Variants in ZMYND11 observed in about 807,000 individuals in gnomAD.
The protein encoded by ZMYND11 is zinc finger MYND-type containing 11.
A neutral mutation model predicts 84.9 loss-of-function variants in ZMYND11; 9 were observed. The ratio of observed to expected loss-of-function variants is 0.11; its 90% confidence interval spans 0.06 to 0.18. The LOEUF is 0.18. ZMYND11 is among the 10% of genes least tolerant of loss of function. The pLI is 1.00. For missense variants in ZMYND11, 409 were observed against 761.0 expected (o/e 0.54, Z 5.44); for synonymous variants, 250 against 244.1 (o/e 1.02, Z -0.23).
At position 194,159 on chromosome 10, in the gene ZMYND11, A is replaced by AT. The variant is rs889062554; in HGVS notation, c.116+14041dup. ...GCCACCACGCCTGGCTAATTTTTGA[A>AT]TTTTTTTTTTGGTAGAGTCGGGGTT... On this transcript the variant is annotated intron_variant, in intron 2 of 14. Transcript: ENST00000381604. Among the ~76,000 whole-genome samples, 974 of 137,558 alleles carry AT rather than the reference A, an allele frequency of 7.1e-3. 24 individuals carry two copies. Among genetic ancestry groups the AT allele is most frequent in the Admixed American group, 0.047 (653 of 13,876 alleles). 90.2% of individuals were successfully genotyped at this position (137,558 alleles called of 152,430 possible). A position where few individuals can be genotyped will look rare whatever the true frequency, so the allele number is the denominator to read the frequency against.
intron 2 of ZMYND11, among the ~76,000 whole-genome samples, chr10:193,375 G>A (rs1200660355): frequency 2.0e-5 from 3 of 152,154 alleles, no homozygotes; most frequent in South Asian, 2.1e-4. Context: ...TAGCAGTACC[G>A]TTACTTGTGT....
chr10:198,095 T>C (rs1942248965), intron 2 of ZMYND11: 1 of 410,432 alleles, frequency 2.4e-6, no homozygotes, highest in African/African-American at 2.1e-5. Context: ...AAATATATAA[T>C]TTATAATGGC....
intron 1 of ZMYND11, among the ~76,000 whole-genome samples, chr10:143,767 G>A (rs541672175): frequency 2.0e-5 from 3 of 152,220 alleles, no homozygotes; most frequent in East Asian, 1.9e-4. Flanking sequence ...CAGTCTGCAC[G>A]TATATGTTCT....
At chr10:223,064 C>G (rs567268344) in intron 4 of ZMYND11, among the ~76,000 whole-genome samples, 6 of 148,064 alleles carry the variant, frequency 4.1e-5, no homozygotes, top group African/African-American at 1.5e-4. Context: ...GAGTCTCTCT[C>G]TGTCATCCAG....
intron 2 of ZMYND11, among the ~76,000 whole-genome samples, chr10:185,813 C>CAAAAAAAAAAAA (rs111255034): frequency 1.7e-5 from 2 of 115,618 alleles, no homozygotes; most frequent in Non-Finnish European, 3.5e-5. Context: ...AACTCCGTCT[C>CAAAAAAAAAAAA]AAAAAAACAA....
chr10:168,211 AT>A (rs1844466928), intron 1 of ZMYND11, among the ~76,000 whole-genome samples: 1 of 152,166 alleles, frequency 6.6e-6, no homozygotes, highest in African/African-American at 2.4e-5. Flanking sequence ...ATTTATTATA[AT>A]TATACCTTGT....
upstream of ZMYND11, chr10:135,027 T>TA (rs1835570345): frequency 6.7e-6 from 1 of 148,674 alleles, no homozygotes; most frequent in African/African-American, 2.4e-5. This position sits in a 1 kb window ranked among gnomAD's most constrained non-coding sequence, Gnocchi z 5.6. Context: ...CCCGACACAA[T>TA]AAACTCCGAG....
At chr10:245,840 T>C (rs1486240232) in intron 10 of ZMYND11, among the ~76,000 whole-genome samples, 1 of 152,224 alleles carries the variant, frequency 6.6e-6, no homozygotes, top group Admixed American at 6.5e-5. Flanking sequence ...GCAGAGGCAG[T>C]GTAGGAAGTG....
At chr10:188,511 T>A (rs555810634) in intron 2 of ZMYND11, among the ~76,000 whole-genome samples, 1 of 151,706 alleles carries the variant, frequency 6.6e-6, no homozygotes, top group African/African-American at 2.4e-5. Flanking sequence ...GAGGATGGCT[T>A]GAGCCTGGAA....
At chr10:250,009 G>C (rs554812598) in intron 14 of ZMYND11, among the ~76,000 whole-genome samples, 193 of 152,228 alleles carry the variant, frequency 1.3e-3, no homozygotes, top group African/African-American at 4.3e-3. Flanking sequence ...TTTATTTTCT[G>C]TTAAAAAAAC....
At chr10:143,095 A>G (rs1406127071) in intron 1 of ZMYND11, among the ~76,000 whole-genome samples, 4 of 152,228 alleles carry the variant, frequency 2.6e-5, no homozygotes, top group South Asian at 2.1e-4. Context: ...TGTAAGTTCA[A>G]TTTGGATTCA....
chr10:134,169 G>A (rs547699134), upstream of ZMYND11, among the ~76,000 whole-genome samples: 1 of 152,162 alleles, frequency 6.6e-6, no homozygotes, highest in East Asian at 1.9e-4. Flanking sequence ...TTAGAAGTCA[G>A]GCACAATGAG....
At chr10:149,285 G>GTTATTATTATTATTA (rs61508487) in intron 1 of ZMYND11, among the ~76,000 whole-genome samples, 17 of 139,322 alleles carry the variant, frequency 1.2e-4, no homozygotes, top group Non-Finnish European at 1.8e-4. Flanking sequence ...TGAGGTGGTT[G>GTTATTATTATTATTA]TTATTATTAT....
intron 2 of ZMYND11, among the ~76,000 whole-genome samples, chr10:191,885 GCA>G (rs1234951318): frequency 3.3e-5 from 5 of 152,140 alleles, no homozygotes; most frequent in African/African-American, 4.8e-5. Context: ...GTTGCACAAT[GCA>G]CAGTGTTTCA....
At chr10:211,037 A>T (rs1212190366) in intron 3 of ZMYND11, among the ~76,000 whole-genome samples, 1 of 151,922 alleles carries the variant, frequency 6.6e-6, no homozygotes, top group African/African-American at 2.4e-5. Context: ...ACAAAAAAAT[A>T]AAAAATTAGC....
intron 2 of ZMYND11, among the ~76,000 whole-genome samples, chr10:196,457 A>G (rs1326586258): frequency 6.6e-6 from 1 of 152,294 alleles, no homozygotes; most frequent in South Asian, 2.1e-4. Flanking sequence ...AAAAATGAAA[A>G]TGGAAGTTTT....
At chr10:197,282 C>T (rs934272246) in intron 2 of ZMYND11, among the ~76,000 whole-genome samples, 93 of 152,052 alleles carry the variant, frequency 6.1e-4, no homozygotes, top group African/African-American at 2.2e-3. Flanking sequence ...TGTGTGTGCC[C>T]ACGTGCGCAT....
chr10:226,732 G>A (rs577081619), intron 4 of ZMYND11, among the ~76,000 whole-genome samples: 76 of 152,192 alleles, frequency 5.0e-4, no homozygotes, highest in Middle Eastern at 3.4e-3. Flanking sequence ...ATGGAATACC[G>A]CTCCACTGAA....
intron 2 of ZMYND11, among the ~76,000 whole-genome samples, chr10:185,512 G>A (rs1331606159): frequency 9.6e-5 from 13 of 135,748 alleles, no homozygotes; most frequent in East Asian, 2.1e-4. Context: ...AAAAAAAAGC[G>A]TGGTGGGGGT....
Sources: gnomAD v4.1 joint callset for allele counts (sites outside exome capture counted in the v4.1 genomes callset) on GRCh38, gnomAD v4.1.1 for gene constraint, Gnocchi (gnomAD v3.1) non-coding constraint, MANE v1.5 for transcripts, NCBI Gene and HGNC (gene_info 2026-07-23, HGNC 2026-07-21) for gene names.